SEPTIN9: variants seen among roughly 807,000 people sequenced by gnomAD.
SEPTIN9 encodes septin-9.
SEPTIN9 carries 13 observed loss-of-function variants against 56.6 expected under a neutral mutation model. That is an observed-to-expected ratio of 0.23 (90% CI 0.15 to 0.37). The LOEUF (loss-of-function observed/expected upper bound fraction) is 0.37, where lower values mean the gene tolerates loss of function less well. Among genes scored for constraint, SEPTIN9 ranks in the 10% least tolerant of loss-of-function variants. SEPTIN9 has a pLI of 1.00. For missense variants in SEPTIN9, 650 were observed against 823.1 expected (o/e 0.79, Z 2.57); for synonymous variants, 332 against 334.1 (o/e 0.99, Z 0.07).
intron 3 of SEPTIN9, among the ~76,000 whole-genome samples, chr17:77,440,925 G>A (rs1219229077): frequency 6.6e-6 from 1 of 152,252 alleles, no homozygotes; most frequent in Non-Finnish European, 1.5e-5. Flanking sequence ...TGGAGACCTT[G>A]AGACCCTGGA....
At chr17:77,443,902 G>T (rs1409034104) in intron 3 of SEPTIN9, among the ~76,000 whole-genome samples, 2 of 152,354 alleles carry the variant, frequency 1.3e-5, no homozygotes, top group Admixed American at 6.5e-5. Context: ...TCTTAGAAAG[G>T]TGGAAATGGG....
intron 3 of SEPTIN9, among the ~76,000 whole-genome samples, chr17:77,465,494 C>T (rs999772159): frequency 1.3e-5 from 2 of 152,086 alleles, no homozygotes; most frequent in Admixed American, 1.3e-4. Flanking sequence ...GTGCTGTGCT[C>T]TGAGGTTGTC....
chr17:77,309,904 C>T (rs1031331277), intron 2 of SEPTIN9, among the ~76,000 whole-genome samples: 5 of 152,190 alleles, frequency 3.3e-5, no homozygotes, highest in East Asian at 1.9e-4. Flanking sequence ...CTGCGGTGCC[C>T]GCCCCTCTGG....
intron 3 of SEPTIN9, among the ~76,000 whole-genome samples, chr17:77,471,770 G>C (rs2039006615): frequency 6.6e-6 from 1 of 152,250 alleles, no homozygotes; most frequent in Non-Finnish European, 1.5e-5. Context: ...TGGTTGACAG[G>C]CCACTGTGGA....
In SEPTIN9 at chr17:77,492,733, G is replaced by A; in HGVS notation, c.1476+17G>A. On this transcript the variant is annotated intron_variant, in intron 9 of 11. Coordinates refer to ENST00000427177, the MANE Select transcript of SEPTIN9 (RefSeq NM_001113491.2). This position sits in a 1 kb window ranked among gnomAD's most constrained non-coding sequence, Gnocchi z 5.4. ...AAGTTCCGGGTGAGTGGATCCACTA[G>A]GATGTTGTTCCCAGGGGACCCCCAG... 1 of 1,609,610 alleles carries A rather than the reference G, an allele frequency of 6.2e-7. No homozygotes were observed. Among genetic ancestry groups the A allele is most frequent in the Non-Finnish European group, 8.5e-7 (1 of 1,175,924 alleles).
chr17:77,308,816 G>A (rs1224364913), intron 2 of SEPTIN9, among the ~76,000 whole-genome samples: 1 of 152,186 alleles, frequency 6.6e-6, no homozygotes, highest in Non-Finnish European at 1.5e-5. Flanking sequence ...CAGTGGAGAG[G>A]GTGGCTTTTT....
At chr17:77,370,470 C>T (rs2034685081) in intron 2 of SEPTIN9, among the ~76,000 whole-genome samples, 1 of 152,170 alleles carries the variant, frequency 6.6e-6, no homozygotes, top group Non-Finnish European at 1.5e-5. Context: ...TCTGCAGAGA[C>T]CCTTAAACAG....
intron 2 of SEPTIN9, among the ~76,000 whole-genome samples, chr17:77,333,889 C>T (rs971905690): frequency 2.0e-5 from 3 of 151,074 alleles, no homozygotes; most frequent in Non-Finnish European, 2.9e-5. Context: ...TGGTCATTTA[C>T]GTATTTTCCT....
intron 2 of SEPTIN9, among the ~76,000 whole-genome samples, chr17:77,365,772 C>T (rs571989764): frequency 3.8e-4 from 58 of 152,318 alleles, no homozygotes; most frequent in African/African-American, 3.6e-4. Context: ...AACATGGAGC[C>T]GCGGTCCACA....
At chr17:77,488,959 G>A (rs1434663385) in intron 7 of SEPTIN9, 95 bp downstream of exon 7, 3 of 1,491,012 alleles carry the variant, frequency 2.0e-6, no homozygotes, top group Admixed American at 1.9e-5. Context: ...CCTGCTGCTG[G>A]GTGCAGAGGG....
At position 77,367,653 on chromosome 17, in the gene SEPTIN9, T is replaced by TA. The variant is rs980969328; in HGVS notation, c.77-34399dup. Among the ~76,000 whole-genome samples, 2 of 151,696 alleles carry TA rather than the reference T, an allele frequency of 1.3e-5. No individual in the cohort carries two copies. The highest frequency in any genetic ancestry group is 4.9e-5 in the African/African-American group (2 of 41,222). On this transcript the variant is annotated intron_variant, in intron 2 of 11. Coordinates refer to ENST00000427177, the MANE Select transcript of SEPTIN9 (RefSeq NM_001113491.2). This position sits in a 1 kb window ranked among gnomAD's most constrained non-coding sequence, Gnocchi z 4.5. ...CAACACGGTGAAACCCCATCTCTAC[T>TA]AAAAAAACAAAAATTAGCCGGGCAT...
In SEPTIN9 at chr17:77,330,722, A is replaced by G. The variant is rs750214838; in HGVS notation, c.76+23525A>G. Among the ~76,000 whole-genome samples, 1 of 152,118 alleles carries G rather than the reference A, an allele frequency of 6.6e-6. No homozygotes were observed. Among genetic ancestry groups the G allele is most frequent in the Non-Finnish European group, 1.5e-5 (1 of 68,010 alleles). ...AGCACATGGCTTGACCATCACGGGG[A>G]CTGGGGGAGAGGCACAGGCATGCCT... On this transcript the variant is annotated intron_variant, in intron 2 of 11. Coordinates refer to ENST00000427177, the MANE Select transcript of SEPTIN9 (RefSeq NM_001113491.2). The surrounding 1 kb of genome is among the most constrained non-coding windows in gnomAD (Gnocchi z 4.4).
At chr17:77,341,606 C>G (rs2033726639) in intron 2 of SEPTIN9, among the ~76,000 whole-genome samples, 2 of 151,820 alleles carry the variant, frequency 1.3e-5, no homozygotes, top group South Asian at 4.2e-4. Flanking sequence ...GAAACCTCGT[C>G]TCTACTAAAA....
intron 3 of SEPTIN9, chr17:77,466,368 A>G (rs1455050276): frequency 2.0e-6 from 2 of 984,362 alleles, no homozygotes; most frequent in Non-Finnish European, 2.4e-6. Context: ...GGGAGAAATT[A>G]CCATATGAAT....
intron 4 of SEPTIN9, chr17:77,483,125 C>G (rs577945843): frequency 6.5e-6 from 1 of 153,544 alleles, no homozygotes; most frequent in Non-Finnish European, 1.4e-5. Flanking sequence ...ACACCCTAAA[C>G]AAAGGTGAGC....
Position 77,499,144 on chromosome 17 carries a change from C to G in SEPTIN9, c.*486C>G. ...TGCAGCCCACCAGGAGCACCTGGACCCCCTGCCCGCCACATGGTGTGGCCA... is the reference window on the plus strand; with the variant it reads ...TGCAGCCCACCAGGAGCACCTGGACGCCCTGCCCGCCACATGGTGTGGCCA... On this transcript the variant is annotated 3_prime_UTR_variant, in exon 12 of 12. Coordinates refer to ENST00000427177, the MANE Select transcript of SEPTIN9 (RefSeq NM_001113491.2). 2 of 536,486 alleles carry G rather than the reference C, an allele frequency of 3.7e-6. No homozygotes were observed. Among genetic ancestry groups the G allele is most frequent in the East Asian group, 3.9e-5 (1 of 25,680 alleles). 33.2% of individuals were successfully genotyped at this position (536,486 alleles called of 1,614,324 possible).
intron 2 of SEPTIN9, among the ~76,000 whole-genome samples, chr17:77,308,287 A>G (rs1331201374): frequency 2.0e-5 from 3 of 152,210 alleles, no homozygotes; most frequent in African/African-American, 7.2e-5. Flanking sequence ...ACGGACCCGG[A>G]GTCAAATCCA....
chr17:77,340,330 G>A (rs142991658), intron 2 of SEPTIN9, among the ~76,000 whole-genome samples: 95 of 151,242 alleles, frequency 6.3e-4, no homozygotes, highest in African/African-American at 2.3e-3. Context: ...TAGTAGAGAT[G>A]CGGTTTCACC....
At chr17:77,484,516 G>GAT (rs2039600658) in intron 4 of SEPTIN9, among the ~76,000 whole-genome samples, 2 of 147,556 alleles carry the variant, frequency 1.4e-5, no homozygotes, top group Admixed American at 6.7e-5. Context: ...TGATGGTGAT[G>GAT]GTGGTAATTG....
Sources: gnomAD v4.1 joint callset for allele counts (sites outside exome capture counted in the v4.1 genomes callset) on GRCh38, gnomAD v4.1.1 for gene constraint, Gnocchi (gnomAD v3.1) non-coding constraint, MANE v1.5 for transcripts, NCBI Gene and HGNC (gene_info 2026-07-23, HGNC 2026-07-21) for gene names.